The following PLCB4 variants were observed in gnomAD, a reference collection of about 807,000 sequenced individuals.
PLCB4 encodes phospholipase C beta 4, also known as 1-phosphatidylinositol 4,5-bisphosphate phosphodiesterase beta-4.
In PLCB4, 77 loss-of-function variants were observed where a neutral mutation model predicts 178.8. The ratio of observed to expected loss-of-function variants is 0.43; its 90% CI spans 0.36 to 0.52. The LOEUF is 0.52. PLCB4 is among the 20% of genes least tolerant of loss of function. PLCB4 has a pLI of 0.00. For synonymous variants in PLCB4, 496 were observed against 490.8 expected (o/e 1.01, Z -0.14); for missense variants, 1,024 against 1,453.4 (o/e 0.70, Z 4.80).
chr20:9,429,506 T>C (rs986732208), intron 28 of PLCB4, among the ~76,000 whole-genome samples: 6 of 152,194 alleles, frequency 3.9e-5, no homozygotes, highest in Admixed American at 6.5e-5. Flanking sequence ...TGGCCAAGAA[T>C]ATACCAGATT....
chr20:9,240,275 G>A (rs563950968), intron 3 of PLCB4, among the ~76,000 whole-genome samples: 30 of 152,192 alleles, frequency 2.0e-4, no homozygotes, highest in Admixed American at 7.9e-4. Flanking sequence ...GAGGTAGGCC[G>A]AAGAATTTTT....
chr20:9,438,738 G>A (rs2041934743), intron 30 of PLCB4, among the ~76,000 whole-genome samples: 1 of 152,162 alleles, frequency 6.6e-6, no homozygotes, highest in Admixed American at 6.5e-5. Flanking sequence ...TTGAGAAGAT[G>A]CTGTAGACAA....
intron 3 of PLCB4, among the ~76,000 whole-genome samples, chr20:9,283,604 T>C (rs998779348): frequency 1.3e-5 from 2 of 151,936 alleles, no homozygotes; most frequent in Non-Finnish European, 2.9e-5. Flanking sequence ...TCTACCCTTT[T>C]CTCTCCTGGG....
intron 4 of PLCB4, among the ~76,000 whole-genome samples, chr20:9,310,669 G>A (rs974651651): frequency 1.3e-5 from 2 of 151,890 alleles, no homozygotes; most frequent in Admixed American, 1.3e-4. Flanking sequence ...CCAAGATCAC[G>A]CCCCCACACA....
intron 1 of PLCB4, among the ~76,000 whole-genome samples, chr20:9,071,561 A>G (rs1333383770): frequency 7.9e-5 from 12 of 152,184 alleles, no homozygotes; most frequent in Non-Finnish European, 1.6e-4. Flanking sequence ...TTAGTGTCTG[A>G]ATTTTCATCC....
intron 2 of PLCB4, among the ~76,000 whole-genome samples, chr20:9,184,620 A>C (rs80094027): frequency 7.2e-6 from 1 of 138,232 alleles, no homozygotes; most frequent in Admixed American, 7.2e-5. Flanking sequence ...AAAAAAAAAA[A>C]ACCTCTGGTT....
At chr20:9,252,002 A>G (rs1306888531) in intron 3 of PLCB4, among the ~76,000 whole-genome samples, 1 of 152,192 alleles carries the variant, frequency 6.6e-6, no homozygotes. Context: ...TTTTATGCCT[A>G]TAGCACGTCT....
At chr20:9,465,311 A>T (rs1382748965) in intron 35 of PLCB4, among the ~76,000 whole-genome samples, 1 of 152,206 alleles carries the variant, frequency 6.6e-6, no homozygotes, top group Admixed American at 6.5e-5. Context: ...TTTATGACAA[A>T]CCCACAGCCA....
intron 3 of PLCB4, among the ~76,000 whole-genome samples, chr20:9,236,828 A>T (rs1601358983): frequency 6.6e-6 from 1 of 152,246 alleles, no homozygotes; most frequent in Non-Finnish European, 1.5e-5. Context: ...TTTGGATAAA[A>T]GTTGTCCTGT....
chr20:9,162,262 G>A (rs913461576), intron 2 of PLCB4, among the ~76,000 whole-genome samples: 3 of 152,166 alleles, frequency 2.0e-5, no homozygotes, highest in Non-Finnish European at 4.4e-5. Flanking sequence ...TCTTTTGCAA[G>A]GTTGAAAGGA....
intron 3 of PLCB4, among the ~76,000 whole-genome samples, chr20:9,217,736 T>C (rs1245494731): frequency 2.0e-5 from 3 of 152,228 alleles, no homozygotes; most frequent in Non-Finnish European, 4.4e-5. Context: ...AAGCATCACA[T>C]GTTTTTGAAG....
At chr20:9,145,457 A>G (rs923165415) in intron 2 of PLCB4, among the ~76,000 whole-genome samples, 1 of 151,904 alleles carries the variant, frequency 6.6e-6, no homozygotes, top group Non-Finnish European at 1.5e-5. Context: ...GTCTACATTA[A>G]TTCAAAATTC....
chr20:9,271,353 C>T (rs2094400589), intron 3 of PLCB4, among the ~76,000 whole-genome samples: 1 of 152,132 alleles, frequency 6.6e-6, no homozygotes. Flanking sequence ...ACAACTTTAT[C>T]AGGTAGGTAG....
rs796156026 is a variant in PLCB4 at position 9,421,545 on chromosome 20, A to G, written c.2319+84A>G. ...CACAGACGCTACACGATACAGGGGC[A>G]CTTATTCAACCGACAACATCTTCTT... On this transcript the variant is annotated intron_variant, in intron 27 of 39. Transcript: ENST00000378473. The G allele has an allele frequency of 2.3e-5, 24 of 1,021,808 alleles. No individual in the cohort carries two copies. In the African/African-American group the frequency reaches 3.8e-4, roughly 16 times the overall value. 63.3% of individuals were successfully genotyped at this position (1,021,808 alleles called of 1,614,324 possible).
chr20:9,306,562 T>G (rs973009565), intron 3 of PLCB4, among the ~76,000 whole-genome samples: 2 of 152,238 alleles, frequency 1.3e-5, no homozygotes, highest in Non-Finnish European at 2.9e-5. Flanking sequence ...CAGAATATAC[T>G]CTCTCTTCCC....
At chr20:9,236,549 C>T (rs970245905) in intron 3 of PLCB4, among the ~76,000 whole-genome samples, 5 of 152,094 alleles carry the variant, frequency 3.3e-5, no homozygotes, top group Non-Finnish European at 5.9e-5. Context: ...TCTAATCTTT[C>T]GTGTGTGTGT....
At chr20:9,298,845 T>C (rs748791781) in intron 3 of PLCB4, among the ~76,000 whole-genome samples, 2 of 152,092 alleles carry the variant, frequency 1.3e-5, no homozygotes, top group Non-Finnish European at 2.9e-5. Context: ...GTTTTTATTT[T>C]ATTCCTGTGC....
intron 3 of PLCB4, among the ~76,000 whole-genome samples, chr20:9,297,164 C>G (rs941752852): frequency 2.0e-5 from 3 of 152,072 alleles, no homozygotes; most frequent in African/African-American, 7.2e-5. Context: ...CGCACCCCCC[C>G]CCACACCATA....
intron 3 of PLCB4, among the ~76,000 whole-genome samples, chr20:9,293,609 C>T (rs1357320664): frequency 8.4e-6 from 1 of 118,724 alleles, no homozygotes; most frequent in Non-Finnish European, 1.9e-5. Context: ...GGGAGCTCCT[C>T]CACAGAGTAA....
Sources: allele counts gnomAD v4.1 joint callset (sites outside exome capture counted in the v4.1 genomes callset), GRCh38; gene constraint gnomAD v4.1.1; transcripts MANE v1.5; gene names NCBI Gene and HGNC (gene_info 2026-07-23, HGNC 2026-07-21).